The following QKI variants were observed in gnomAD, a reference collection of about 807,000 sequenced individuals.
QKI encodes KH domain-containing RNA-binding protein QKI.
QKI carries 10 observed loss-of-function variants against 39.0 expected under a neutral mutation model. That is an observed-to-expected ratio of 0.26 (90% CI 0.16 to 0.43). The LOEUF (loss-of-function observed/expected upper bound fraction) is 0.43, where lower values mean the gene tolerates loss of function less well. Ranked by LOEUF, QKI falls within the 20% of genes least tolerant of loss-of-function variation. QKI has a pLI of 1.00. For synonymous variants in QKI, 204 were observed against 155.4 expected (o/e 1.31, Z -2.33); for missense variants, 218 against 428.0 (o/e 0.51, Z 4.33).
intron 3 of QKI, among the ~76,000 whole-genome samples, chr6:163,480,922 T>G (rs1178769996): frequency 6.6e-6 from 1 of 152,234 alleles, no homozygotes; most frequent in Non-Finnish European, 1.5e-5. Flanking sequence ...TCCCTGCTTC[T>G]GAGTTTCTGT....
intron 2 of QKI, among the ~76,000 whole-genome samples, chr6:163,476,673 T>C (rs1434870427): frequency 2.6e-5 from 4 of 152,206 alleles, no homozygotes; most frequent in Non-Finnish European, 5.9e-5. Context: ...TAGTTCCACC[T>C]TTTCATTCTT....
At chr6:163,467,492 G>A (rs1216881302) in intron 2 of QKI, among the ~76,000 whole-genome samples, 1 of 152,204 alleles carries the variant, frequency 6.6e-6, no homozygotes, top group Non-Finnish European at 1.5e-5. Context: ...ATGGAAGTAT[G>A]CAGCTTTAAA....
intron 3 of QKI, among the ~76,000 whole-genome samples, chr6:163,513,401 A>G (rs1032750874): frequency 2.0e-5 from 3 of 152,220 alleles, no homozygotes; most frequent in Non-Finnish European, 4.4e-5. Flanking sequence ...AAAAAAGCAG[A>G]TTAATTGACA....
intron 7 of QKI, chr6:163,568,335 C>G (rs984770867): frequency 2.0e-6 from 2 of 985,234 alleles, no homozygotes; most frequent in African/African-American, 3.5e-5. Context: ...TATTGGCCTA[C>G]TTAATACTCC....
At chr6:163,534,946 G>T in intron 3 of QKI, 36 bp from the exon 4 acceptor site, 2 of 1,517,210 alleles carry the variant, frequency 1.3e-6, no homozygotes, top group South Asian at 1.3e-5. Context: ...TCTTTAAAGA[G>T]AATAATTTTA....
intron 2 of QKI, among the ~76,000 whole-genome samples, chr6:163,461,871 A>G (rs576249702): frequency 6.6e-6 from 1 of 152,330 alleles, no homozygotes; most frequent in African/African-American, 2.4e-5. Flanking sequence ...GAAGCAGTCA[A>G]AGGTTATACT....
Position 163,415,804 on chromosome 6 carries a change from C to G in QKI, c.142+469C>G, listed in dbSNP as rs1485008375. 1.4e-5 allele frequency: 6 copies of G among 438,596 alleles called. No homozygotes were observed. In the East Asian group the frequency reaches 4.4e-4, roughly 32 times the overall value. The allele number at this position is 438,596 out of a possible 1,614,324, so 27.2% of individuals were successfully genotyped here. ...GAGCCTGCTCTGCGCGGACCCCCAC[C>G]GCCCCGCGTTCGGGAGCTCTCCCCT... On this transcript the variant is annotated intron_variant, in intron 1 of 7. Coordinates refer to ENST00000361752, the MANE Select transcript of QKI (RefSeq NM_006775.3).
chr6:163,449,151 T>C (rs1431806755), intron 1 of QKI, among the ~76,000 whole-genome samples: 1 of 152,138 alleles, frequency 6.6e-6, no homozygotes, highest in African/African-American at 2.4e-5. Context: ...TAGCAAGAGG[T>C]AGGGATTGCA....
intron 1 of QKI, among the ~76,000 whole-genome samples, chr6:163,426,166 G>T (rs1057114835): frequency 4.0e-5 from 6 of 151,810 alleles, no homozygotes; most frequent in Non-Finnish European, 5.9e-5. Flanking sequence ...TTTATAGCTG[G>T]ATTGTTCAAA....
intron 4 of QKI, among the ~76,000 whole-genome samples, chr6:163,549,252 A>C (rs2128245746): frequency 6.6e-6 from 1 of 152,246 alleles, no homozygotes; most frequent in South Asian, 2.1e-4. Context: ...GAGCAGAGCC[A>C]ATGTCTCATT....
chr6:163,531,883 C>T (rs2128240441), intron 3 of QKI, among the ~76,000 whole-genome samples: 1 of 152,196 alleles, frequency 6.6e-6, no homozygotes, highest in East Asian at 1.9e-4. Context: ...CCATTAATTT[C>T]TCCATCTTTG....
chr6:163,443,577 A>G (rs1789918101), intron 1 of QKI, among the ~76,000 whole-genome samples: 3 of 152,142 alleles, frequency 2.0e-5, no homozygotes, highest in Admixed American at 6.5e-5. Flanking sequence ...AACAACAACA[A>G]CAACAACAAC....
At chr6:163,561,876 G>A (rs1178399472) in intron 4 of QKI, 106 bp from the exon 5 acceptor site, 1 of 750,228 alleles carries the variant, frequency 1.3e-6, no homozygotes, top group East Asian at 2.7e-5. Context: ...ATTAAAACAG[G>A]TGACTGTAGT....
chr6:163,423,560 A>G (rs1339640234), intron 1 of QKI: 3 of 152,210 alleles, frequency 2.0e-5, no homozygotes, highest in Non-Finnish European at 4.4e-5. Context: ...TCCATATGCT[A>G]AAAATCTGCT....
rs77756846 is a variant in QKI, at chr6:163,470,668, G to A, written c.286-8112G>A. Among the ~76,000 whole-genome samples, 435 of 152,196 alleles carry A rather than the reference G, an allele frequency of 2.9e-3. 2 individuals carry two copies. The highest frequency in any genetic ancestry group is 9.7e-3 in the African/African-American group (403 of 41,540). Reference sequence around the variant, plus strand: ...TTTATAAGATCTGTAAGTTTTCAATGTGGAAGGAGACAGAAGAAAAGGAAG... The same window carrying A: ...TTTATAAGATCTGTAAGTTTTCAATATGGAAGGAGACAGAAGAAAAGGAAG... On this transcript the variant is annotated intron_variant, in intron 2 of 7. Coordinates refer to ENST00000361752, the MANE Select transcript of QKI (RefSeq NM_006775.3).
At chr6:163,565,669 G>T in intron 6 of QKI, 4 of 1,099,656 alleles carry the variant, frequency 3.6e-6, no homozygotes, top group East Asian at 1.1e-4. Context: ...AATCTATTAT[G>T]GTTAATTTCA....
chr6:163,482,591 A>G (rs367851697), intron 3 of QKI, among the ~76,000 whole-genome samples: 1 of 140,050 alleles, frequency 7.1e-6, no homozygotes, highest in South Asian at 2.3e-4. Flanking sequence ...GGGTTCAATT[A>G]ATTTGCTAGA....
intron 3 of QKI, among the ~76,000 whole-genome samples, chr6:163,501,430 A>G (rs1044837787): frequency 2.6e-5 from 4 of 152,200 alleles, no homozygotes; most frequent in Non-Finnish European, 1.5e-5. Context: ...GATCTTATGC[A>G]TTTGCATATC....
chr6:163,446,049 T>G (rs1204639861), intron 1 of QKI, among the ~76,000 whole-genome samples: 4 of 152,254 alleles, frequency 2.6e-5, no homozygotes, highest in African/African-American at 9.6e-5. Flanking sequence ...GGAGATACTC[T>G]GAAACCGTAC....
Sources: allele counts gnomAD v4.1 joint callset (sites outside exome capture counted in the v4.1 genomes callset), GRCh38; gene constraint gnomAD v4.1.1; transcripts MANE v1.5; gene names NCBI Gene and HGNC (gene_info 2026-07-23, HGNC 2026-07-21).